Variants in PRELID3B observed in about 807,000 individuals in gnomAD.
PRELID3B encodes PRELI domain containing protein 3B.
A neutral mutation model predicts 24.0 loss-of-function variants in PRELID3B; 15 were observed. That is an observed-to-expected ratio of 0.63 (90% CI 0.42 to 0.96). The LOEUF is 0.96. Ranked by LOEUF, PRELID3B falls within the 40% of genes least tolerant of loss-of-function variation. The probability of loss-of-function intolerance (pLI) is 0.00; values close to 1 mark genes in which losing one functional copy is unlikely to be tolerated. For missense variants in PRELID3B, 189 were observed against 236.0 expected (o/e 0.80, Z 1.30); for synonymous variants, 62 against 76.0 (o/e 0.82, Z 0.96).
intron 2 of PRELID3B, 28 bp downstream of exon 2, chr20:59,038,437 CA>C: frequency 6.3e-7 from 1 of 1,597,116 alleles, no homozygotes; most frequent in Non-Finnish European, 8.6e-7. Context: ...ACAGCAGTCA[CA>C]TTTCTCCGGG....
At position 59,038,451 on chromosome 20, in the gene PRELID3B, TAAAG is replaced by T. The variant is rs751263889; in HGVS notation, c.201+11_201+14del. 6 of 1,606,034 alleles carry T rather than the reference TAAAG, an allele frequency of 3.7e-6. No homozygotes were observed. Among genetic ancestry groups the T allele is most frequent in the Middle Eastern group, 1.7e-4 (1 of 6,040 alleles). On this transcript the variant is annotated intron_variant, in intron 2 of 5. Coordinates refer to ENST00000355937, the MANE Select transcript of PRELID3B (RefSeq NM_016045.3). Reference sequence around the variant, plus strand: ...TACAGCAGTCACATTTCTCCGGGAATAAAGACACACTTACAGACTTCACAATGGA... The same window carrying T: ...TACAGCAGTCACATTTCTCCGGGAATACACACTTACAGACTTCACAATGGA...
rs762906565 is a variant in PRELID3B at position 59,034,983 on chromosome 20, G to A, written c.*24C>T. On this transcript the variant is annotated 3_prime_UTR_variant, in exon 6 of 6. Transcript: ENST00000355937. ...CAGTTTGGAGAGACCTGGAGTACCC[G>A]ATGTTGTCTACCAACTGTCACGATC... 1.1e-5 allele frequency: 18 copies of A among 1,599,590 alleles called. No individual in the cohort carries two copies. Among genetic ancestry groups the A allele is most frequent in the East Asian group, 4.5e-5 (2 of 44,520 alleles).
rs1329455512 is a variant in PRELID3B, at chr20:59,033,510, C to T, written c.*1497G>A. The T allele has an allele frequency of 1.3e-5, 2 of 151,846 alleles. No individual in the cohort carries two copies. Among genetic ancestry groups the T allele is most frequent in the Non-Finnish European group, 1.5e-5 (1 of 67,964 alleles). The allele number at this position is 151,846 out of a possible 1,614,324, so 9.4% of individuals were successfully genotyped here. On this transcript the variant is annotated 3_prime_UTR_variant, in exon 6 of 6. Transcript: ENST00000355937. ...TTATTTCACTTGTAAAAACTATCTC[C>T]GGTTACAAAAAAAAATCAGAAACCT...
chr20:59,042,293 C>T (rs1352136609), intron 1 of PRELID3B, among the ~76,000 whole-genome samples: 2 of 152,268 alleles, frequency 1.3e-5, no homozygotes, highest in Non-Finnish European at 1.5e-5. Flanking sequence ...AAACCAACAC[C>T]TCCCTCTTGG....
At chr20:59,039,063 C>T (rs1197040437) in intron 1 of PRELID3B, among the ~76,000 whole-genome samples, 1 of 152,104 alleles carries the variant, frequency 6.6e-6, no homozygotes, top group African/African-American at 2.4e-5. Context: ...ACGGAAGTAA[C>T]AAAAGTAAAA....
intron 1 of PRELID3B, among the ~76,000 whole-genome samples, chr20:59,041,592 G>A (rs1420042984): frequency 6.6e-6 from 1 of 152,068 alleles, no homozygotes; most frequent in Non-Finnish European, 1.5e-5. Flanking sequence ...AAAATTAGCC[G>A]GGCGCGGTGG....
At chr20:59,038,738 T>C (rs2092092394) in intron 1 of PRELID3B, 104 bp from the exon 2 acceptor site, 2 of 1,376,910 alleles carry the variant, frequency 1.5e-6, no homozygotes, top group Admixed American at 2.6e-5. Flanking sequence ...CATTACAATG[T>C]AAGTTTAATG....
At chr20:59,042,150 T>C (rs1297050094) in intron 1 of PRELID3B, among the ~76,000 whole-genome samples, 1 of 152,210 alleles carries the variant, frequency 6.6e-6, no homozygotes, top group African/African-American at 2.4e-5. Flanking sequence ...GAATTCCAAA[T>C]CCAAGGCTCT....
In PRELID3B at chr20:59,038,395, T is replaced by C. The variant is rs918895212; in HGVS notation, c.201+71A>G. The C allele has an allele frequency of 3.0e-6, 4 of 1,355,286 alleles. No individual in the cohort carries two copies. In the African/African-American group the frequency reaches 5.8e-5, roughly 20 times the overall value. 84.0% of individuals were successfully genotyped at this position (1,355,286 alleles called of 1,614,324 possible). A position where few individuals can be genotyped will look rare whatever the true frequency, so the allele number is the denominator to read the frequency against. ...TCAGAATCGGCTCCCACAACCTATTTGAAAGTATAATGCGGTTTAGAAAAC... is the reference window on the plus strand; with the variant it reads ...TCAGAATCGGCTCCCACAACCTATTCGAAAGTATAATGCGGTTTAGAAAAC... On this transcript the variant is annotated intron_variant, in intron 2 of 5. Coordinates refer to ENST00000355937, the MANE Select transcript of PRELID3B (RefSeq NM_016045.3).
rs761554631 is a variant in PRELID3B, at chr20:59,040,031, TC to T, written c.33-1398del. The stretch of plus-strand genomic sequence containing the variant: ...AAATCAGATGAACCCTCCCCAGGTC[TC>T]CATCCAGTCATATGCCATGGTTAGC... On this transcript the variant is annotated intron_variant, in intron 1 of 5. Transcript: ENST00000355937. The surrounding 1 kb of genome is among the most constrained non-coding windows in gnomAD (Gnocchi z 4.1). Among the ~76,000 whole-genome samples the T allele has an allele frequency of 1.3e-4, 20 of 152,190 alleles. No homozygotes were observed. The highest frequency in any genetic ancestry group is 2.2e-4 in the Non-Finnish European group (15 of 68,036).
rs1276803516 is a variant in PRELID3B at position 59,033,392 on chromosome 20, C to T, written c.*1615G>A. 2.6e-5 allele frequency: 4 copies of T among 152,136 alleles called. No homozygotes were observed. The highest frequency in any genetic ancestry group is 5.9e-5 in the Non-Finnish European group (4 of 68,030). 9.4% of individuals were successfully genotyped at this position (152,136 alleles called of 1,614,324 possible). ...GATTTAAAAATATTAGGGCATTACA[C>T]CTTTTTCAGAACAAGGATAATTTAC... On this transcript the variant is annotated 3_prime_UTR_variant, in exon 6 of 6. Transcript: ENST00000355937.
At position 59,036,732 on chromosome 20, in the gene PRELID3B, T is replaced by C. The variant is rs201240700; in HGVS notation, c.320A>G (p.Asp107Gly). The C allele has an allele frequency of 2.0e-4, 323 of 1,592,010 alleles. No individual in the cohort carries two copies. Among genetic ancestry groups the C allele is most frequent in the Non-Finnish European group, 2.7e-4 (312 of 1,165,024 alleles). The change falls in exon 4 of 6, where the codon GAT becomes GGT. Residue 107 changes from aspartate (D) to glycine (G), a missense_variant. Physicochemically the swap from Asp to Gly is moderately conservative, Grantham distance 94. Transcript: ENST00000355937. ...ATGTGGTTTGTATATAAGTCTCTCATCTACTGAAACCATGTTTGTAAATGA... is the reference window on the plus strand; with the variant it reads ...ATGTGGTTTGTATATAAGTCTCTCACCTACTGAAACCATGTTTGTAAATGA... ...NISFTNMVSVDERLIYKPHPQ... is the reference protein window; with the variant it reads ...NISFTNMVSVGERLIYKPHPQ...
At chr20:59,042,593 G>C in intron 1 of PRELID3B, 106 bp downstream of exon 1, 5 of 1,241,900 alleles carry the variant, frequency 4.0e-6, no homozygotes, top group Non-Finnish European at 5.6e-6. Flanking sequence ...CGCTCCCCTC[G>C]CTAGGCCCGA....
rs757229686 is a variant in PRELID3B, at chr20:59,038,451, TAA to T, written c.201+13_201+14del. The T allele has an allele frequency of 3.1e-6, 5 of 1,606,152 alleles. No homozygotes were observed. The South Asian group carries it at 5.6e-5, about 18-fold the overall frequency. ...TACAGCAGTCACATTTCTCCGGGAA[TAA>T]AGACACACTTACAGACTTCACAATG... is the stretch of plus-strand genomic sequence containing the variant. On this transcript the variant is annotated intron_variant, in intron 2 of 5. Transcript: ENST00000355937.
At chr20:59,037,726 G>A (rs1179242896) in intron 2 of PRELID3B, among the ~76,000 whole-genome samples, 2 of 152,332 alleles carry the variant, frequency 1.3e-5, no homozygotes, top group African/African-American at 2.4e-5. Flanking sequence ...TTACGATGGA[G>A]GCTCACACGT....
Position 59,040,773 on chromosome 20 carries a change from C to T in PRELID3B, c.32+1926G>A, listed in dbSNP as rs1472635450. ...CTAACAGGCACCTGAAAATGAAAAG[C>T]GGAGCTCAAGAGAGGCTGGAGCTCA... On this transcript the variant is annotated intron_variant, in intron 1 of 5. Transcript: ENST00000355937. The surrounding 1 kb of genome is among the most constrained non-coding windows in gnomAD (Gnocchi z 4.1). Among the ~76,000 whole-genome samples, 2 of 152,078 alleles carry T rather than the reference C, an allele frequency of 1.3e-5. No individual in the cohort carries two copies. Among genetic ancestry groups the T allele is most frequent in the Non-Finnish European group, 2.9e-5 (2 of 68,014 alleles).
chr20:59,040,906 CA>C lies in PRELID3B; in HGVS notation c.32+1792del, dbSNP rs548796295. ...CGGATCAGGGCTGCTTCTCCCAGGA[CA>C]AAAAAAAAGTCTGTGACGAAAAGAG... On this transcript the variant is annotated intron_variant, in intron 1 of 5. Transcript: ENST00000355937. The surrounding 1 kb of genome is among the most constrained non-coding windows in gnomAD (Gnocchi z 4.1). Among the ~76,000 whole-genome samples the C allele has an allele frequency of 2.7e-5, 4 of 148,486 alleles. No individual in the cohort carries two copies. Among genetic ancestry groups the C allele is most frequent in the African/African-American group, 5.0e-5 (2 of 40,328 alleles).
chr20:59,039,930 T>C (rs1190892441), intron 1 of PRELID3B, among the ~76,000 whole-genome samples: 1 of 152,224 alleles, frequency 6.6e-6, no homozygotes, highest in African/African-American at 2.4e-5. Flanking sequence ...AGTTGCTTCA[T>C]CAATCTGAAG....
chr20:59,036,611 A>G, intron 4 of PRELID3B, 38 bp from the exon 5 acceptor site: 1 of 1,593,006 alleles, frequency 6.3e-7, no homozygotes, highest in Non-Finnish European at 8.6e-7. Flanking sequence ...CAGATGACCC[A>G]GCTTTCATTT....
Sources: gnomAD v4.1 joint callset for allele counts (sites outside exome capture counted in the v4.1 genomes callset) on GRCh38, gnomAD v4.1.1 for gene constraint, Gnocchi (gnomAD v3.1) non-coding constraint, MANE v1.5 for transcripts, NCBI Gene and HGNC (gene_info 2026-07-23, HGNC 2026-07-21) for gene names.